Variants in ZNF521 observed in about 807,000 individuals in gnomAD.
ZNF521 encodes LYST-interacting protein 3.
ZNF521 carries 14 observed loss-of-function variants against 105.5 expected under a neutral mutation model. That is an observed-to-expected ratio of 0.13 (90% CI 0.09 to 0.21). The LOEUF is 0.21. Ranked by LOEUF, ZNF521 falls within the 10% of genes least tolerant of loss-of-function variation. ZNF521 has a pLI of 1.00. For missense variants in ZNF521, 1,233 were observed against 1,629.7 expected, an observed-to-expected ratio of 0.76 and a Z score of 4.19; for synonymous variants, 635 against 606.0, an observed-to-expected ratio of 1.05 and a Z score of -0.70.
chr18:25,205,306 TTGAC>T (rs2036062021), intron 4 of ZNF521, among the ~76,000 whole-genome samples: 1 of 152,150 alleles, frequency 6.6e-6, no homozygotes, highest in South Asian at 2.1e-4. Context: ...ACTTCTTACA[TTGAC>T]TGTTTTATAA....
chr18:25,076,438 G>A (rs1417311182), intron 7 of ZNF521, among the ~76,000 whole-genome samples: 1 of 152,142 alleles, frequency 6.6e-6, no homozygotes, highest in African/African-American at 2.4e-5. Context: ...GATGATAGGA[G>A]TCATATTCTT....
intron 5 of ZNF521, among the ~76,000 whole-genome samples, chr18:25,142,676 A>C (rs2034871549): frequency 6.6e-6 from 1 of 152,116 alleles, no homozygotes; most frequent in African/African-American, 2.4e-5. Context: ...GCTCACTACA[A>C]AATGCCACAC....
At chr18:25,237,318 T>C (rs971800435) in intron 3 of ZNF521, among the ~76,000 whole-genome samples, 2 of 152,234 alleles carry the variant, frequency 1.3e-5, no homozygotes, top group Admixed American at 6.5e-5. Context: ...TGACACTTAA[T>C]AGGACTAAAT....
chr18:25,155,671 G>A (rs940836941), intron 5 of ZNF521, among the ~76,000 whole-genome samples: 5 of 151,738 alleles, frequency 3.3e-5, no homozygotes, highest in Non-Finnish European at 7.4e-5. Flanking sequence ...TGTATGGAAA[G>A]GCCTATCCTT....
At position 25,192,410 on chromosome 18, in the gene ZNF521, G is replaced by A. The variant is rs115026692; in HGVS notation, c.3658+2750C>T. ...CAGCACATCCAGAAAGATGTGTGGC[G>A]GTTGCTTGACACTGAGATTGCACAC... On this transcript the variant is annotated intron_variant, in intron 5 of 7. Transcript: ENST00000361524. 5.8e-3 allele frequency among the ~76,000 whole-genome samples: 883 copies of A among 152,162 alleles called. 5 individuals are homozygous for A. Among genetic ancestry groups the A allele is most frequent in the African/African-American group, 0.017 (697 of 41,518 alleles).
intron 7 of ZNF521, among the ~76,000 whole-genome samples, chr18:25,067,178 G>A (rs769998226): frequency 1.3e-5 from 2 of 152,012 alleles, no homozygotes; most frequent in Non-Finnish European, 2.9e-5. Flanking sequence ...TGTTTTACAC[G>A]AGGGGGGTTT....
intron 3 of ZNF521, among the ~76,000 whole-genome samples, chr18:25,252,791 C>A (rs905424343): frequency 2.6e-5 from 4 of 152,142 alleles, no homozygotes; most frequent in Non-Finnish European, 1.5e-5. Context: ...CCCCATAGCG[C>A]ATCCATAATG....
chr18:25,309,080 G>A (rs1327981297), intron 3 of ZNF521, among the ~76,000 whole-genome samples: 1 of 152,166 alleles, frequency 6.6e-6, no homozygotes. Context: ...TCTTTTGCTA[G>A]GCACTGGGAC....
At chr18:25,241,407 G>A (rs1268082217) in intron 3 of ZNF521, among the ~76,000 whole-genome samples, 2 of 152,128 alleles carry the variant, frequency 1.3e-5, no homozygotes, top group South Asian at 2.1e-4. Flanking sequence ...ATGGTGGCTC[G>A]AACAATCTAG....
intron 7 of ZNF521, among the ~76,000 whole-genome samples, chr18:25,077,205 G>C (rs556990884): frequency 6.6e-6 from 1 of 152,324 alleles, no homozygotes; most frequent in African/African-American, 2.4e-5. Flanking sequence ...ACATGGCAAG[G>C]AAAGCCTACA....
chr18:25,314,018 A>G (rs574858778), intron 3 of ZNF521, among the ~76,000 whole-genome samples: 1 of 152,202 alleles, frequency 6.6e-6, no homozygotes, highest in Non-Finnish European at 1.5e-5. Flanking sequence ...ACATAAATTA[A>G]TAACACTTAA....
chr18:25,142,636 C>T (rs1189902930), intron 5 of ZNF521, among the ~76,000 whole-genome samples: 6 of 151,956 alleles, frequency 3.9e-5, no homozygotes, highest in African/African-American at 7.3e-5. Context: ...CTTGAGAACC[C>T]AAGCCCAGAA....
At chr18:25,089,698 G>C (rs1038804562) in intron 6 of ZNF521, 118 bp from the exon 7 acceptor site, 1 of 754,780 alleles carries the variant, frequency 1.3e-6, no homozygotes, top group Admixed American at 2.1e-5. Context: ...GTGACTTACT[G>C]CCTGAGACCT....
At chr18:25,263,356 C>CT (rs57232409) in intron 3 of ZNF521, among the ~76,000 whole-genome samples, 1,821 of 147,820 alleles carry the variant, frequency 0.012, 39 homozygotes, top group African/African-American at 0.043. Context: ...CAATAACTTG[C>CT]TTTTTTTTTT....
chr18:25,116,898 T>TAC (rs1567968492), intron 5 of ZNF521, among the ~76,000 whole-genome samples: 1 of 51,352 alleles, frequency 1.9e-5, no homozygotes, highest in South Asian at 4.6e-4. Flanking sequence ...CGTATATATA[T>TAC]ATGTGTATAT....
At chr18:25,117,504 A>G (rs375994399) in intron 5 of ZNF521, among the ~76,000 whole-genome samples, 28 of 152,312 alleles carry the variant, frequency 1.8e-4, no homozygotes, top group African/African-American at 6.7e-4. Context: ...AGCAGCTATT[A>G]TAACTATGCT....
At chr18:25,102,589 G>A (rs2033989403) in intron 5 of ZNF521, among the ~76,000 whole-genome samples, 1 of 151,924 alleles carries the variant, frequency 6.6e-6, no homozygotes. Flanking sequence ...TACAGTATAT[G>A]TGCTCATAGC....
intron 7 of ZNF521, among the ~76,000 whole-genome samples, chr18:25,081,868 A>T (rs2033502873): frequency 6.6e-6 from 1 of 152,160 alleles, no homozygotes; most frequent in Non-Finnish European, 1.5e-5. Flanking sequence ...ACGGAGAGAG[A>T]ATAACAAACT....
intron 5 of ZNF521, among the ~76,000 whole-genome samples, chr18:25,130,194 G>A (rs187255085): frequency 6.6e-6 from 1 of 152,236 alleles, no homozygotes; most frequent in East Asian, 1.9e-4. Context: ...TGAAACACAT[G>A]GATGAATCTC....
Sources: allele counts gnomAD v4.1 joint callset (sites outside exome capture counted in the v4.1 genomes callset), GRCh38; gene constraint gnomAD v4.1.1; transcripts MANE v1.5; gene names NCBI Gene and HGNC (gene_info 2026-07-23, HGNC 2026-07-21).